Variants in MACROD2 observed in about 807,000 individuals in gnomAD.
MACROD2 encodes the protein mono-ADP ribosylhydrolase 2, also known as ADP-ribose glycohydrolase MACROD2.
MACROD2 carries 36 observed loss-of-function variants against 70.4 expected under a neutral mutation model. The ratio of observed to expected loss-of-function variants is 0.51; its 90% CI spans 0.39 to 0.68. The LOEUF is 0.68. Ranked by LOEUF, MACROD2 falls within the 30% of genes least tolerant of loss-of-function variation. MACROD2 has a pLI of 0.00. For synonymous variants in MACROD2, 172 were observed against 178.8 expected (o/e 0.96, Z 0.30); for missense variants, 496 against 538.4 (o/e 0.92, Z 0.78).
intron 6 of MACROD2, among the ~76,000 whole-genome samples, chr20:15,293,037 T>G (rs962059750): frequency 6.6e-6 from 1 of 152,204 alleles, no homozygotes; most frequent in Non-Finnish European, 1.5e-5. Flanking sequence ...GAGAACTCAC[T>G]GCTTCTTGAA....
chr20:15,055,192 C>T (rs1337525442), intron 5 of MACROD2, among the ~76,000 whole-genome samples: 9 of 152,102 alleles, frequency 5.9e-5, no homozygotes, highest in East Asian at 1.9e-4. Flanking sequence ...TCAAGTGATC[C>T]GCCCACCTTG....
At chr20:15,339,904 A>G (rs2078089327) in intron 6 of MACROD2, among the ~76,000 whole-genome samples, 3 of 149,412 alleles carry the variant, frequency 2.0e-5, no homozygotes, top group Admixed American at 2.0e-4. Flanking sequence ...AGTTTTAATA[A>G]TGCTGCAGTG....
intron 4 of MACROD2, among the ~76,000 whole-genome samples, chr20:14,548,060 T>C (rs1157511168): frequency 6.6e-6 from 1 of 152,150 alleles, no homozygotes; most frequent in Non-Finnish European, 1.5e-5. Flanking sequence ...TAAAATAGAC[T>C]ACACCTCTTG....
intron 15 of MACROD2, among the ~76,000 whole-genome samples, chr20:16,025,685 C>T (rs944177201): frequency 1.3e-5 from 2 of 152,316 alleles, no homozygotes; most frequent in African/African-American, 4.8e-5. Context: ...GCTGGGACCC[C>T]AGGCCCTCTG....
chr20:15,799,755 G>A (rs978494291), intron 8 of MACROD2, among the ~76,000 whole-genome samples: 6 of 152,180 alleles, frequency 3.9e-5, no homozygotes, highest in African/African-American at 1.4e-4. Context: ...AAACAGGTGA[G>A]TGCAGGCATC....
chr20:15,346,839 A>G (rs1275000625), intron 6 of MACROD2, among the ~76,000 whole-genome samples: 2 of 152,178 alleles, frequency 1.3e-5, no homozygotes, highest in African/African-American at 4.8e-5. Context: ...TCCAGCAGAG[A>G]TGGAAACCTG....
intron 10 of MACROD2, among the ~76,000 whole-genome samples, chr20:15,929,715 C>T (rs186673510): frequency 2.6e-4 from 40 of 152,212 alleles, no homozygotes; most frequent in Non-Finnish European, 4.6e-4. Flanking sequence ...GATAGCAATC[C>T]GTGATCATGT....
At chr20:14,987,057 A>G (rs1037869138) in intron 5 of MACROD2, among the ~76,000 whole-genome samples, 19 of 152,062 alleles carry the variant, frequency 1.2e-4, no homozygotes, top group African/African-American at 4.6e-4. Flanking sequence ...TGAAACTACC[A>G]TTTTCCAAAG....
intron 5 of MACROD2, among the ~76,000 whole-genome samples, chr20:14,959,499 ATTTC>A (rs1361964288): frequency 1.3e-5 from 2 of 151,738 alleles, no homozygotes; most frequent in Admixed American, 6.6e-5. Flanking sequence ...CACTACCTTT[ATTTC>A]TTCTTTTTCC....
At chr20:15,843,558 C>A (rs2064197424) in intron 8 of MACROD2, among the ~76,000 whole-genome samples, 1 of 151,960 alleles carries the variant, frequency 6.6e-6, no homozygotes, top group South Asian at 2.1e-4. Flanking sequence ...TCTTGTGGAC[C>A]AAACTAACTA....
intron 3 of MACROD2, among the ~76,000 whole-genome samples, chr20:14,343,595 A>G (rs192881139): frequency 6.6e-6 from 1 of 152,230 alleles, no homozygotes; most frequent in Non-Finnish European, 1.5e-5. Context: ...GTGTGCTTTA[A>G]CAATTTATCT....
At position 15,150,735 on chromosome 20, in the gene MACROD2, A is replaced by G. The variant is rs1020743626; in HGVS notation, c.419-79205A>G. 5.3e-5 allele frequency among the ~76,000 whole-genome samples: 8 copies of G among 152,030 alleles called. No individual in the cohort carries two copies. In the East Asian group the frequency reaches 1.2e-3, roughly 22 times the overall value. On this transcript the variant is annotated intron_variant, in intron 5 of 17. Transcript: ENST00000684519. Reference sequence around the variant, plus strand: ...CTTTGGATTGGGAAGAAGGGCGGCAATGAGATGTGGCTGTAGTCCAGGAAT... The same window carrying G: ...CTTTGGATTGGGAAGAAGGGCGGCAGTGAGATGTGGCTGTAGTCCAGGAAT...
At chr20:15,160,451 C>T (rs1175008268) in intron 5 of MACROD2, among the ~76,000 whole-genome samples, 1 of 152,106 alleles carries the variant, frequency 6.6e-6, no homozygotes, top group Non-Finnish European at 1.5e-5. Context: ...TAGTAGAGAA[C>T]ACACATTTTC....
At chr20:15,248,845 T>C (rs1023662922) in intron 6 of MACROD2, among the ~76,000 whole-genome samples, 4 of 152,096 alleles carry the variant, frequency 2.6e-5, no homozygotes, top group African/African-American at 4.8e-5. Context: ...CCACAAGAAC[T>C]CTCATATCCT....
At position 15,671,012 on chromosome 20, in the gene MACROD2, A is replaced by G. The variant is rs189241000; in HGVS notation, c.645+171165A>G. ...GTATAACAAAACAACTTAATCACTT[A>G]AAACAGTAACAATTTAATGTAGCTC... is the stretch of plus-strand genomic sequence containing the variant. On this transcript the variant is annotated intron_variant, in intron 8 of 17. Transcript: ENST00000684519. 4.6e-5 allele frequency among the ~76,000 whole-genome samples: 7 copies of G among 152,382 alleles called. No individual in the cohort carries two copies. In the East Asian group the frequency reaches 1.3e-3, roughly 29 times the overall value.
chr20:14,732,149 T>C (rs1331677270), intron 5 of MACROD2, among the ~76,000 whole-genome samples: 1 of 152,170 alleles, frequency 6.6e-6, no homozygotes, highest in African/African-American at 2.4e-5. Flanking sequence ...ATATTTATAG[T>C]CCAGTAAGAC....
intron 8 of MACROD2, among the ~76,000 whole-genome samples, chr20:15,754,208 A>G (rs2051312871): frequency 6.6e-6 from 1 of 152,246 alleles, no homozygotes; most frequent in African/African-American, 2.4e-5. Context: ...TTTTCTCTAC[A>G]TGACTCCCAA....
At chr20:15,486,569 G>A (rs1017631484) in intron 7 of MACROD2, among the ~76,000 whole-genome samples, 1 of 152,134 alleles carries the variant, frequency 6.6e-6, no homozygotes, top group African/African-American at 2.4e-5. Flanking sequence ...TACTTTTCAG[G>A]GGAAGGATTC....
chr20:15,180,561 T>C (rs1420176801), intron 5 of MACROD2, among the ~76,000 whole-genome samples: 1 of 152,240 alleles, frequency 6.6e-6, no homozygotes, highest in East Asian at 1.9e-4. Context: ...CCATGCACGA[T>C]CATGTCACTG....
Sources: gnomAD v4.1 joint callset for allele counts (sites outside exome capture counted in the v4.1 genomes callset) on GRCh38, gnomAD v4.1.1 for gene constraint, MANE v1.5 for transcripts, NCBI Gene and HGNC (gene_info 2026-07-23, HGNC 2026-07-21) for gene names.